ZFHX3: variants seen among roughly 807,000 people sequenced by gnomAD.
ZFHX3 encodes the protein zinc finger homeobox 3.
A neutral mutation model predicts 279.1 loss-of-function variants in ZFHX3; 42 were observed. The observed-to-expected ratio is 0.15, with a 90% confidence interval of 0.12 to 0.19. ZFHX3 has a LOEUF of 0.19. Ranked by LOEUF, ZFHX3 falls within the 10% of genes least tolerant of loss-of-function variation. The probability of loss-of-function intolerance (pLI) is 1.00; values close to 1 mark genes in which losing one functional copy is unlikely to be tolerated. For missense variants in ZFHX3, 4,981 were observed against 4,754.0 expected (o/e 1.05, Z -1.40); for synonymous variants, 2,293 against 1,957.8 (o/e 1.17, Z -4.52).
At position 72,824,515 on chromosome 16, in the gene ZFHX3, G is replaced by A. The variant is rs181167164; in HGVS notation, c.3529+5264C>T. On this transcript the variant is annotated intron_variant, in intron 5 of 9. Transcript: ENST00000268489. Reference sequence around the variant, plus strand: ...CAGGGATTTTTGAAGCATTATTGTGGTGTCATTTCAAGTTGAGCTATTTCC... The same window carrying A: ...CAGGGATTTTTGAAGCATTATTGTGATGTCATTTCAAGTTGAGCTATTTCC... Among the ~76,000 whole-genome samples the A allele has an allele frequency of 9.3e-4, 141 of 152,220 alleles. No homozygotes were observed. The Middle Eastern group carries it at 0.027, about 29-fold the overall frequency.
intron 1 of ZFHX3, among the ~76,000 whole-genome samples, chr16:73,709,156 A>G (rs1424439903): frequency 6.6e-6 from 1 of 152,154 alleles, no homozygotes; most frequent in African/African-American, 2.4e-5. Flanking sequence ...CCATCTGCAG[A>G]TGAAGAAAGA....
At chr16:73,657,531 A>G (rs1445350415) in intron 2 of ZFHX3, among the ~76,000 whole-genome samples, 3 of 152,206 alleles carry the variant, frequency 2.0e-5, no homozygotes, top group Admixed American at 6.5e-5. Flanking sequence ...CATCACCACA[A>G]TCAATGTTAG....
chr16:73,095,843 G>A (rs1304861628), intron 7 of ZFHX3, among the ~76,000 whole-genome samples: 1 of 152,186 alleles, frequency 6.6e-6, no homozygotes, highest in African/African-American at 2.4e-5. Flanking sequence ...GGTGGAGGGG[G>A]AAAAGAATCC....
At chr16:73,349,697 T>TCCC (rs374869161) in intron 3 of ZFHX3, among the ~76,000 whole-genome samples, 2 of 26,016 alleles carry the variant, frequency 7.7e-5, no homozygotes, top group East Asian at 2.4e-3. Context: ...TCTCCCTTCC[T>TCCC]TCCCTCCCTC....
chr16:73,126,807 G>A (rs1966577337), intron 7 of ZFHX3: 1 of 152,326 alleles, frequency 6.6e-6, no homozygotes, highest in East Asian at 1.9e-4. Flanking sequence ...AGGATGCTTG[G>A]TTGCCCAGCG....
intron 1 of ZFHX3, among the ~76,000 whole-genome samples, chr16:73,873,786 C>T (rs918329507): frequency 1.3e-5 from 2 of 152,040 alleles, no homozygotes; most frequent in African/African-American, 2.4e-5. Flanking sequence ...TTGTGGCTCA[C>T]GTGACTAAAT....
chr16:73,298,040 A>G lies in ZFHX3; in HGVS notation c.-1194+20200T>C, dbSNP rs988339519. ...TCTCTAAAAAAAATAAATAAATAAC[A>G]ATTAGCCAGGCATGGTGGCATGTGC... On this transcript the variant is annotated intron_variant, in intron 4 of 17. Coordinates refer to the ZFHX3 transcript ENST00000641206. Among the ~76,000 whole-genome samples, 11 of 151,386 alleles carry G rather than the reference A, an allele frequency of 7.3e-5. 1 individual carries two copies. The highest frequency in any genetic ancestry group is 2.4e-4 in the African/African-American group (10 of 40,960).
intron 4 of ZFHX3, among the ~76,000 whole-genome samples, chr16:72,873,907 CT>C (rs1719654430): frequency 6.6e-6 from 1 of 152,140 alleles, no homozygotes; most frequent in Non-Finnish European, 1.5e-5. Flanking sequence ...TTTACTTAAT[CT>C]TCTTATATTT....
chr16:73,811,067 A>G (rs1470242557), intron 1 of ZFHX3, among the ~76,000 whole-genome samples: 1 of 152,196 alleles, frequency 6.6e-6, no homozygotes, highest in African/African-American at 2.4e-5. Context: ...ATACAAAGAT[A>G]TCAAATAGAA....
At chr16:72,843,337 C>T (rs544555680) in intron 4 of ZFHX3, among the ~76,000 whole-genome samples, 3 of 151,764 alleles carry the variant, frequency 2.0e-5, no homozygotes, top group South Asian at 2.1e-4. Context: ...GGTGAAACCC[C>T]GTCTCTACTA....
chr16:73,253,812 C>G (rs1452365632), intron 5 of ZFHX3, among the ~76,000 whole-genome samples: 1 of 152,072 alleles, frequency 6.6e-6, no homozygotes, highest in African/African-American at 2.4e-5. Flanking sequence ...ACAGAAGACA[C>G]AGAGTGGATG....
intron 1 of ZFHX3, among the ~76,000 whole-genome samples, chr16:73,866,730 G>A (rs1962031793): frequency 6.6e-6 from 1 of 152,214 alleles, no homozygotes; most frequent in South Asian, 2.1e-4. Context: ...TGATTCAACA[G>A]CACAGGTGCA....
intron 1 of ZFHX3, among the ~76,000 whole-genome samples, chr16:73,750,117 G>C (rs2053748201): frequency 6.6e-6 from 1 of 152,298 alleles, no homozygotes; most frequent in Non-Finnish European, 1.5e-5. Context: ...GAACTGGAGA[G>C]AAAGGAACTC....
intron 1 of ZFHX3, among the ~76,000 whole-genome samples, chr16:73,718,668 T>C (rs1464360416): frequency 1.3e-5 from 2 of 151,206 alleles, no homozygotes; most frequent in Non-Finnish European, 2.9e-5. Flanking sequence ...CAGGCTGGAG[T>C]GCAGTGGCAC....
chr16:73,789,475 C>A (rs557712779), intron 1 of ZFHX3, among the ~76,000 whole-genome samples: 1 of 152,194 alleles, frequency 6.6e-6, no homozygotes, highest in South Asian at 2.1e-4. Context: ...CCACCGTGCC[C>A]GGCTGGGAAA....
intron 1 of ZFHX3, among the ~76,000 whole-genome samples, chr16:73,738,697 T>C (rs1381927285): frequency 6.6e-6 from 1 of 152,158 alleles, no homozygotes; most frequent in Admixed American, 6.5e-5. Context: ...TCGTGAAGGT[T>C]GCTCAAAGAC....
chr16:73,658,841 C>G (rs1193561942), intron 2 of ZFHX3, among the ~76,000 whole-genome samples: 1 of 152,062 alleles, frequency 6.6e-6, no homozygotes, highest in Admixed American at 6.5e-5. Context: ...ATTTGCATAG[C>G]AGTATAACAA....
chr16:73,418,234 G>A (rs1035454443), intron 3 of ZFHX3, among the ~76,000 whole-genome samples: 2 of 152,240 alleles, frequency 1.3e-5, no homozygotes, highest in African/African-American at 4.8e-5. Context: ...AAGCCCCAGG[G>A]CGTGGAAGGG....
At chr16:73,525,690 C>T (rs1006392740) in intron 2 of ZFHX3, among the ~76,000 whole-genome samples, 2 of 152,176 alleles carry the variant, frequency 1.3e-5, no homozygotes, top group Non-Finnish European at 2.9e-5. Flanking sequence ...GCCTGTTCCC[C>T]TCAGGACCAG....
Sources: gnomAD v4.1 joint callset for allele counts (sites outside exome capture counted in the v4.1 genomes callset) on GRCh38, gnomAD v4.1.1 for gene constraint, MANE v1.5 for transcripts, NCBI Gene and HGNC (gene_info 2026-07-23, HGNC 2026-07-21) for gene names.